Variants in CDIPT observed in about 807,000 individuals in gnomAD.
CDIPT encodes the protein CDP-diacylglycerol--inositol 3-phosphatidyltransferase.
CDIPT carries 17 observed loss-of-function variants against 21.6 expected under a neutral mutation model. The observed-to-expected ratio is 0.79, with a 90% CI of 0.54 to 1.18. The LOEUF is 1.18. CDIPT is among the 50% of genes most tolerant of loss of function. The pLI is 0.00. For missense variants in CDIPT, 254 were observed against 284.9 expected (o/e 0.89, Z 0.78); for synonymous variants, 119 against 117.9 (o/e 1.01, Z -0.06).
intron 3 of CDIPT, 99 bp from the exon 4 acceptor site, chr16:29,860,761 G>A (rs1382376120): frequency 2.7e-6 from 2 of 753,110 alleles, no homozygotes; most frequent in Admixed American, 2.0e-5. Context: ...AACTGGGCAC[G>A]GCTAAGGACC....
In CDIPT at chr16:29,862,625, C is replaced by T. The variant is rs1308770464; in HGVS notation, c.139G>A (p.Asp47Asn). The T allele has an allele frequency of 5.6e-6, 9 of 1,604,424 alleles. No individual in the cohort carries two copies. Among genetic ancestry groups the T allele is most frequent in the Non-Finnish European group, 7.7e-6 (9 of 1,175,512 alleles). The change falls in exon 2 of 6, where the codon GAC becomes AAC. Residue 47 changes from aspartate to asparagine, a missense_variant. Transcript: ENST00000219789. This position sits in a 1 kb window ranked among gnomAD's most constrained non-coding sequence, Gnocchi z 6.7. ...CGAGCAGCGTGTCCATCGAAAGCGTCCAGCAGGCCGCTGAGCAGGTAGAAG... is the reference window on the plus strand; with the variant it reads ...CGAGCAGCGTGTCCATCGAAAGCGTTCAGCAGGCCGCTGAGCAGGTAGAAG... Reference protein sequence around the residue: ...SSFYLLSGLLDAFDGHAARAL... With the variant: ...SSFYLLSGLLNAFDGHAARAL...
chr16:29,859,149 T>C lies in CDIPT; in HGVS notation c.*40A>G, dbSNP rs1349916452. 3.8e-6 allele frequency: 6 copies of C among 1,573,376 alleles called. No homozygotes were observed. The highest frequency in any genetic ancestry group is 1.3e-5 in the African/African-American group (1 of 74,478). On this transcript the variant is annotated 3_prime_UTR_variant, in exon 6 of 6. Transcript: ENST00000219789. The surrounding 1 kb of genome is among the most constrained non-coding windows in gnomAD (Gnocchi z 4.5). ...GGGGAGCTGTGTGGCACAGCAAGAC[T>C]CCCAGGGCAGGTGGGCAGCCAGGAC...
At chr16:29,860,417 C>T (rs1021516402) in intron 4 of CDIPT, among the ~76,000 whole-genome samples, 164 bp downstream of exon 4, 10 of 152,216 alleles carry the variant, frequency 6.6e-5, no homozygotes, top group Non-Finnish European at 1.5e-4. Context: ...AGGCCTTCCC[C>T]ACCAATCCTC....
chr16:29,861,913 A>G (rs547485032), intron 2 of CDIPT, among the ~76,000 whole-genome samples: 1 of 151,988 alleles, frequency 6.6e-6, no homozygotes, highest in East Asian at 1.9e-4. Flanking sequence ...TTGTATTTTT[A>G]GTAGAGACAG....
In CDIPT at chr16:29,862,951, G is replaced by A. The variant is rs774957994; in HGVS notation, c.-94C>T. 4 of 1,438,018 alleles carry A rather than the reference G, an allele frequency of 2.8e-6. No individual in the cohort carries two copies. Among genetic ancestry groups the A allele is most frequent in the South Asian group, 1.2e-5 (1 of 86,694 alleles). 89.1% of individuals were successfully genotyped at this position (1,438,018 alleles called of 1,614,324 possible). A position where few individuals can be genotyped will look rare whatever the true frequency, so the allele number is the denominator to read the frequency against. ...GCCTCAGCCTCCGGCCCGGCGCATC[G>A]GCCGCACCACCTGCGCCCTGGACCC... On this transcript the variant is annotated 5_prime_UTR_variant, in exon 1 of 6. Coordinates refer to ENST00000219789, the MANE Select transcript of CDIPT (RefSeq NM_006319.5). The surrounding 1 kb of genome is among the most constrained non-coding windows in gnomAD (Gnocchi z 6.7).
At chr16:29,861,013 G>T in intron 3 of CDIPT, 93 bp downstream of exon 3, 1 of 1,286,668 alleles carries the variant, frequency 7.8e-7, no homozygotes, top group African/African-American at 1.5e-5. Context: ...CTTCCAGGAT[G>T]CCTAGTGCCA....
chr16:29,859,408 C>G lies in CDIPT; in HGVS notation c.496+34G>C, dbSNP rs200601657. Reference sequence around the variant, plus strand: ...ATCTCCCTGGGCAGGCCAGATCCCCCTCCCATCCTCCTGCCCAGCCCCTCA... The same window carrying G: ...ATCTCCCTGGGCAGGCCAGATCCCCGTCCCATCCTCCTGCCCAGCCCCTCA... On this transcript the variant is annotated intron_variant, in intron 5 of 5. Coordinates refer to ENST00000219789, the MANE Select transcript of CDIPT (RefSeq NM_006319.5). The surrounding 1 kb of genome is among the most constrained non-coding windows in gnomAD (Gnocchi z 4.5). 22 of 1,601,614 alleles carry G rather than the reference C, an allele frequency of 1.4e-5. No individual in the cohort carries two copies. In the African/African-American group the frequency reaches 2.4e-4, roughly 18 times the overall value.
chr16:29,861,773 G>T, intron 2 of CDIPT: 1 of 407,944 alleles, frequency 2.5e-6, no homozygotes, highest in Non-Finnish European at 4.5e-6. Context: ...TTGCTCTGTC[G>T]CCCAGGCTGG....
chr16:29,860,980 C>A (rs2067675576), intron 3 of CDIPT, 126 bp downstream of exon 3: 1 of 913,598 alleles, frequency 1.1e-6, no homozygotes, highest in Admixed American at 2.3e-5. Flanking sequence ...GGTCTTTCTA[C>A]AAAGCAGAGC....
chr16:29,859,181 C>G lies in CDIPT; in HGVS notation c.*8G>C. On this transcript the variant is annotated 3_prime_UTR_variant, in exon 6 of 6. Coordinates refer to ENST00000219789, the MANE Select transcript of CDIPT (RefSeq NM_006319.5). This position sits in a 1 kb window ranked among gnomAD's most constrained non-coding sequence, Gnocchi z 4.5. ...GCAGGTGGGCAGCCAGGACCCGGGGCTCCAGCGTCACTTCTTCTTGGCGCG... is the reference window on the plus strand; with the variant it reads ...GCAGGTGGGCAGCCAGGACCCGGGGGTCCAGCGTCACTTCTTCTTGGCGCG... 6.3e-7 allele frequency: 1 copy of G among 1,591,044 alleles called. No individual in the cohort carries two copies. Among genetic ancestry groups the G allele is most frequent in the Non-Finnish European group, 8.5e-7 (1 of 1,170,834 alleles).
rs1300328773 is a variant in CDIPT, at chr16:29,861,145, A to G, written c.293T>C (p.Met98Thr). ...PGATLFFQISMSLDVASHWLH... is the reference protein window; with the variant it reads ...PGATLFFQISTSLDVASHWLH... ...CCAGTGACTGGCCACATCCAAACTC[A>G]TGCTGATTTGGAAGAACAGCGTGGC... The change falls in exon 3 of 6, where the codon ATG becomes ACG. Residue 98 changes from methionine to threonine, a missense_variant. Coordinates refer to ENST00000219789, the MANE Select transcript of CDIPT (RefSeq NM_006319.5). The G allele has an allele frequency of 1.2e-6, 2 of 1,614,000 alleles. No individual in the cohort carries two copies. Among genetic ancestry groups the G allele is most frequent in the Non-Finnish European group, 1.7e-6 (2 of 1,180,002 alleles).
chr16:29,860,862 G>T, intron 3 of CDIPT, 200 bp from the exon 4 acceptor site: 1 of 619,078 alleles, frequency 1.6e-6, no homozygotes. Flanking sequence ...CTTCCTATAA[G>T]CTGTCACCTA....
chr16:29,862,288 G>C lies in CDIPT; in HGVS notation c.178+298C>G, dbSNP rs2150768484. Among the ~76,000 whole-genome samples, 1 of 152,292 alleles carries C rather than the reference G, an allele frequency of 6.6e-6. No homozygotes were observed. Among genetic ancestry groups the C allele is most frequent in the East Asian group, 1.9e-4 (1 of 5,188 alleles). Reference sequence around the variant, plus strand: ...AATTTAAAAATTAGCCGGGTGTGGTGGCACGCTCCTGTAGTCCCAGCTAGT... The same window carrying C: ...AATTTAAAAATTAGCCGGGTGTGGTCGCACGCTCCTGTAGTCCCAGCTAGT... On this transcript the variant is annotated intron_variant, in intron 2 of 5. Transcript: ENST00000219789. The surrounding 1 kb of genome is among the most constrained non-coding windows in gnomAD (Gnocchi z 6.7).
In CDIPT at chr16:29,862,071, C is replaced by T. The variant is rs920059206; in HGVS notation, c.178+515G>A. On this transcript the variant is annotated intron_variant, in intron 2 of 5. Transcript: ENST00000219789. This position sits in a 1 kb window ranked among gnomAD's most constrained non-coding sequence, Gnocchi z 6.7. ...TCAGAGAGACCTCCAGCAGCGCCAC[C>T]GCCATGTCATGTCTTGCTAATCCAC... Among the ~76,000 whole-genome samples, 12 of 152,178 alleles carry T rather than the reference C, an allele frequency of 7.9e-5. No individual in the cohort carries two copies. Among genetic ancestry groups the T allele is most frequent in the Non-Finnish European group, 1.5e-4 (10 of 68,038 alleles).
In CDIPT at chr16:29,859,547, C is replaced by T. The variant is rs761454566; in HGVS notation, c.415-24G>A. 3.5e-5 allele frequency: 56 copies of T among 1,580,786 alleles called. No homozygotes were observed. The highest frequency in any genetic ancestry group is 4.5e-5 in the Non-Finnish European group (52 of 1,151,102). ...GGCTGCACACACAGCAAACAGGCCA[C>T]GTTAGCAAGAGGCAGGCGTGTGCCA... On this transcript the variant is annotated intron_variant, in intron 4 of 5. Transcript: ENST00000219789. This position sits in a 1 kb window ranked among gnomAD's most constrained non-coding sequence, Gnocchi z 4.5.
chr16:29,862,686 G>A lies in CDIPT; in HGVS notation c.78C>T (p.Phe26=). 2.5e-6 allele frequency: 4 copies of A among 1,614,114 alleles called. No individual in the cohort carries two copies. The highest frequency in any genetic ancestry group is 3.4e-6 in the Non-Finnish European group (4 of 1,180,000). ...YARIVFAIIS[F]YFMPCCPLTA... is the part of the protein sequence containing the mutation. Reference sequence around the variant, plus strand: ...TGAGGGGGCAGCAGGGCATGAAGTAGAAAGAAATGATGGCGAAGACAATCC... The same window carrying A: ...TGAGGGGGCAGCAGGGCATGAAGTAAAAAGAAATGATGGCGAAGACAATCC... Residue 26 remains phenylalanine, a synonymous_variant, in exon 2 of 6, where the codon TTC becomes TTT. Coordinates refer to ENST00000219789, the MANE Select transcript of CDIPT (RefSeq NM_006319.5). This position sits in a 1 kb window ranked among gnomAD's most constrained non-coding sequence, Gnocchi z 6.7.
chr16:29,859,379 C>T lies in CDIPT; in HGVS notation c.497-45G>A. On this transcript the variant is annotated intron_variant, in intron 5 of 5. Coordinates refer to ENST00000219789, the MANE Select transcript of CDIPT (RefSeq NM_006319.5). This position sits in a 1 kb window ranked among gnomAD's most constrained non-coding sequence, Gnocchi z 4.5. ...GAGTTTGGGGCCCGAAGGAGGGGGCCTCCATCTCCCTGGGCAGGCCAGATC... is the reference window on the plus strand; with the variant it reads ...GAGTTTGGGGCCCGAAGGAGGGGGCTTCCATCTCCCTGGGCAGGCCAGATC... 1 of 1,585,822 alleles carries T rather than the reference C, an allele frequency of 6.3e-7. No individual in the cohort carries two copies. Among genetic ancestry groups the T allele is most frequent in the Non-Finnish European group, 8.6e-7 (1 of 1,164,824 alleles).
chr16:29,859,537 A>C lies in CDIPT; in HGVS notation c.415-14T>G, dbSNP rs775253371. On this transcript the variant is annotated splice_polypyrimidine_tract_variant and intron_variant, in intron 4 of 5. Coordinates refer to ENST00000219789, the MANE Select transcript of CDIPT (RefSeq NM_006319.5). This position sits in a 1 kb window ranked among gnomAD's most constrained non-coding sequence, Gnocchi z 4.5. ...GAACAGAGCAGGCTGCACACACAGC[A>C]AACAGGCCACGTTAGCAAGAGGCAG... is the stretch of plus-strand genomic sequence containing the variant. 1 of 1,603,216 alleles carries C rather than the reference A, an allele frequency of 6.2e-7. No homozygotes were observed. The highest frequency in any genetic ancestry group is 8.5e-7 in the Non-Finnish European group (1 of 1,170,882).
rs763043717 is a variant in CDIPT, at chr16:29,861,090, C to G, written c.332+16G>C. 1.1e-5 allele frequency: 17 copies of G among 1,614,000 alleles called. No individual in the cohort carries two copies. The Middle Eastern group carries it at 1.2e-3, about 110-fold the overall frequency. ...AATGTCTCCAAGTGGCCCAGGCCCC[C>G]AGAATCGCAGCAGACCTGTGGAGGT... On this transcript the variant is annotated intron_variant, in intron 3 of 5. Transcript: ENST00000219789.
Sources: allele counts gnomAD v4.1 joint callset (sites outside exome capture counted in the v4.1 genomes callset), GRCh38; gene constraint gnomAD v4.1.1; non-coding constraint Gnocchi (gnomAD v3.1); transcripts MANE v1.5; gene names NCBI Gene and HGNC (gene_info 2026-07-23, HGNC 2026-07-21).